The following TRPC4 variants were observed in gnomAD, a reference collection of about 807,000 sequenced individuals.
TRPC4 encodes transient receptor potential cation channel subfamily C member 4, also known as short transient receptor potential channel 4.
Under a neutral mutation model 99.4 loss-of-function variants are expected in TRPC4, and 49 were observed. The ratio of observed to expected loss-of-function variants is 0.49; its 90% CI spans 0.39 to 0.63. The LOEUF (loss-of-function observed/expected upper bound fraction) is 0.63, where lower values mean the gene tolerates loss of function less well. Among genes scored for constraint, TRPC4 ranks in the 20% least tolerant of loss-of-function variants. The pLI is 0.00. For synonymous variants in TRPC4, 454 were observed against 425.9 expected, an observed-to-expected ratio of 1.07 and a Z score of -0.81; for missense variants, 898 against 1,152.9, an observed-to-expected ratio of 0.78 and a Z score of 3.20.
rs1194283506 is a variant in TRPC4, at chr13:37,714,115, G to A, written c.898-21780C>T. ...TTTTCTTTTCTTTTTTTTCTCTTTC[G>A]CTCTCTCTCTTTCCTTTCTTTTCTC... On this transcript the variant is annotated intron_variant, in intron 3 of 10. Transcript: ENST00000379705. 9.8e-5 allele frequency among the ~76,000 whole-genome samples: 13 copies of A among 132,742 alleles called. No individual in the cohort carries two copies. In the East Asian group the frequency reaches 2.2e-3, roughly 22 times the overall value. The allele number at this position is 132,742 out of a possible 152,430, so 87.1% of individuals were successfully genotyped here. A position where few individuals can be genotyped will look rare whatever the true frequency, so the allele number is the denominator to read the frequency against.
chr13:37,660,399 G>A (rs9594225), intron 6 of TRPC4, among the ~76,000 whole-genome samples: 56,528 of 151,852 alleles, frequency 0.37, 10,951 homozygotes, highest in African/African-American at 0.44. Flanking sequence ...TTTTAGAGCA[G>A]TTTTAGTGGA....
intron 4 of TRPC4, among the ~76,000 whole-genome samples, chr13:37,685,498 T>C (rs746695554): frequency 1.3e-5 from 2 of 152,198 alleles, no homozygotes; most frequent in Non-Finnish European, 2.9e-5. Context: ...AAAGAATGCA[T>C]TTAAATTACT....
At position 37,740,759 on chromosome 13, in the gene TRPC4, T is replaced by A. The variant is rs1194423153; in HGVS notation, c.897+5178A>T. Among the ~76,000 whole-genome samples, 5 of 152,152 alleles carry A rather than the reference T, an allele frequency of 3.3e-5. No homozygotes were observed. In the East Asian group the frequency reaches 9.6e-4, roughly 29 times the overall value. ...AGAAACAGAACCAACAATCTTGAGA[T>A]TAAGAGAGCTTTAAAGAGCTGTAAT... On this transcript the variant is annotated intron_variant, in intron 3 of 10. Coordinates refer to ENST00000379705, the MANE Select transcript of TRPC4 (RefSeq NM_016179.4).
At chr13:37,739,624 G>A (rs747853894) in intron 3 of TRPC4, among the ~76,000 whole-genome samples, 1 of 150,764 alleles carries the variant, frequency 6.6e-6, no homozygotes, top group Non-Finnish European at 1.5e-5. Context: ...TCCTGCCTCA[G>A]CCTCCTGAGT....
chr13:37,654,131 T>G (rs2138632799), intron 7 of TRPC4, among the ~76,000 whole-genome samples: 1 of 152,212 alleles, frequency 6.6e-6, no homozygotes, highest in African/African-American at 2.4e-5. Flanking sequence ...GATGAGTGTC[T>G]TATGAGAAAA....
At chr13:37,709,941 A>G (rs1262369769) in intron 3 of TRPC4, among the ~76,000 whole-genome samples, 3 of 152,012 alleles carry the variant, frequency 2.0e-5, no homozygotes, top group Non-Finnish European at 2.9e-5. Context: ...GTGTTATTTT[A>G]TGGCTTTAAG....
chr13:37,696,045 G>A (rs1953892477), intron 3 of TRPC4, among the ~76,000 whole-genome samples: 1 of 152,214 alleles, frequency 6.6e-6, no homozygotes. Context: ...TACAGAAGAG[G>A]TTTAATGGAC....
intron 1 of TRPC4, among the ~76,000 whole-genome samples, chr13:37,831,824 C>G (rs780973782): frequency 1.3e-4 from 19 of 151,948 alleles, no homozygotes; most frequent in Non-Finnish European, 2.4e-4. Context: ...ATAGCTGGAA[C>G]CTGAAAAAGT....
At chr13:37,662,193 C>A (rs1952470705) in intron 6 of TRPC4, among the ~76,000 whole-genome samples, 1 of 151,802 alleles carries the variant, frequency 6.6e-6, no homozygotes, top group South Asian at 2.1e-4. Context: ...GCCTGTAGCC[C>A]CAGCTACTCG....
At chr13:37,729,256 T>C (rs972595072) in intron 3 of TRPC4, among the ~76,000 whole-genome samples, 3 of 151,900 alleles carry the variant, frequency 2.0e-5, no homozygotes, top group Non-Finnish European at 2.9e-5. Flanking sequence ...ATGAGGGAAA[T>C]GCATATCAAA....
chr13:37,747,597 T>C (rs773401849), intron 2 of TRPC4, among the ~76,000 whole-genome samples: 2 of 152,000 alleles, frequency 1.3e-5, no homozygotes, highest in Non-Finnish European at 2.9e-5. Flanking sequence ...GAAAACCATA[T>C]GGAGAAAAAC....
chr13:37,865,642 T>C (rs1287071689), intron 1 of TRPC4, among the ~76,000 whole-genome samples: 1 of 151,710 alleles, frequency 6.6e-6, no homozygotes, highest in African/African-American at 2.4e-5. Flanking sequence ...ATAATATTTT[T>C]AAAATTCAAG....
chr13:37,810,946 A>G (rs1461246221), intron 1 of TRPC4, among the ~76,000 whole-genome samples: 1 of 152,030 alleles, frequency 6.6e-6, no homozygotes, highest in Non-Finnish European at 1.5e-5. Context: ...AAAATATTCT[A>G]CATATTATCT....
At chr13:37,837,297 C>T (rs1958592887) in intron 1 of TRPC4, among the ~76,000 whole-genome samples, 2 of 152,340 alleles carry the variant, frequency 1.3e-5, no homozygotes, top group South Asian at 4.1e-4. Context: ...AGAGGGCCAC[C>T]TTCCTCCAGA....
chr13:37,667,874 C>A (rs1439160591), intron 5 of TRPC4, among the ~76,000 whole-genome samples: 1 of 152,214 alleles, frequency 6.6e-6, no homozygotes, highest in Non-Finnish European at 1.5e-5. Context: ...TGTACCATTT[C>A]TCTAGAATGA....
At chr13:37,813,598 CTG>C (rs779863082) in intron 1 of TRPC4, among the ~76,000 whole-genome samples, 2 of 151,816 alleles carry the variant, frequency 1.3e-5, no homozygotes, top group East Asian at 3.9e-4. Context: ...AAGTGTACAA[CTG>C]TATGCCAACA....
intron 6 of TRPC4, among the ~76,000 whole-genome samples, chr13:37,661,578 CA>C (rs1952438644): frequency 6.6e-6 from 1 of 152,216 alleles, no homozygotes; most frequent in Admixed American, 6.5e-5. Flanking sequence ...GTGGTCTTGG[CA>C]AGCAGTTTGC....
intron 1 of TRPC4, among the ~76,000 whole-genome samples, chr13:37,826,180 A>C (rs1958200837): frequency 9.1e-6 from 1 of 109,584 alleles, no homozygotes; most frequent in African/African-American, 3.7e-5. Flanking sequence ...TGCACATGAG[A>C]TGGGTTTCCT....
chr13:37,791,398 T>TAAAAAAA, intron 1 of TRPC4, among the ~76,000 whole-genome samples: 1 of 114,764 alleles, frequency 8.7e-6, no homozygotes, highest in Non-Finnish European at 1.7e-5. Flanking sequence ...TCTGTCTCAA[T>TAAAAAAA]AAAAAAAAAA....
Sources: allele counts gnomAD v4.1 joint callset (sites outside exome capture counted in the v4.1 genomes callset), GRCh38; gene constraint gnomAD v4.1.1; transcripts MANE v1.5; gene names NCBI Gene and HGNC (gene_info 2026-07-23, HGNC 2026-07-21).